Variants in HEATR1 observed in about 807,000 individuals in gnomAD.
HEATR1 encodes HEAT repeat-containing protein 1.
In HEATR1, 77 loss-of-function variants were observed where a neutral mutation model predicts 248.2. That is an observed-to-expected ratio of 0.31 (90% CI 0.26 to 0.37). The LOEUF is 0.37. HEATR1 is among the 10% of genes least tolerant of loss of function. The pLI is 1.00. For synonymous variants in HEATR1, 897 were observed against 923.1 expected (o/e 0.97, Z 0.51); for missense variants, 2,420 against 2,504.9 (o/e 0.97, Z 0.72).
chr1:236,569,780 G>A (rs560833315), intron 28 of HEATR1, among the ~76,000 whole-genome samples: 1 of 152,132 alleles, frequency 6.6e-6, no homozygotes, highest in East Asian at 1.9e-4. Flanking sequence ...CCACTCCTAG[G>A]TATATATACC....
rs377341119 is a variant in HEATR1, at chr1:236,582,731, T to A, written c.2562+5A>T. 1.9e-6 allele frequency: 3 copies of A among 1,614,146 alleles called. No individual in the cohort carries two copies. Among genetic ancestry groups the A allele is most frequent in the Non-Finnish European group, 2.5e-6 (3 of 1,179,982 alleles). On this transcript the variant is annotated splice_donor_5th_base_variant and intron_variant, in intron 19 of 44. Transcript: ENST00000366582. ...GAGTACGCCTGAAAAGGAGGAGGCT[T>A]GTACCTTTATGAAAAGTTTCATCAG... is the stretch of plus-strand genomic sequence containing the variant.
rs981946800 is a variant in HEATR1, at chr1:236,604,406, G to T, written c.-33+16C>A. The T allele has an allele frequency of 7.7e-6, 2 of 258,078 alleles. No homozygotes were observed. The highest frequency in any genetic ancestry group is 4.4e-5 in the African/African-American group (2 of 44,972). The allele number at this position is 258,078 out of a possible 1,614,324, so 16.0% of individuals were successfully genotyped here. A position where few individuals can be genotyped will look rare whatever the true frequency, so the allele number is the denominator to read the frequency against. On this transcript the variant is annotated intron_variant, in intron 1 of 44. Coordinates refer to ENST00000366582, the MANE Select transcript of HEATR1 (RefSeq NM_018072.6). ...CCCCCATCCGCAGCCACATCAAGCG[G>T]CTCTGTGCCGCTTACCTGGAACTGG...
In HEATR1 at chr1:236,574,739, A is replaced by T. The variant is rs199616842; in HGVS notation, c.3249T>A (p.Asp1083Glu). 6.2e-7 allele frequency: 1 copy of T among 1,613,854 alleles called. No homozygotes were observed. Among genetic ancestry groups the T allele is most frequent in the South Asian group, 1.1e-5 (1 of 91,080 alleles). ...TTGTGTGCACAGCTTTTATAAATAT[A>T]TCTAGACTCTTCGGATCCTCATTTA... Reference protein sequence around the residue: ...SLLNEDPKSLDIFIKAVHTTK... With the variant: ...SLLNEDPKSLEIFIKAVHTTK... Residue 1083 changes from aspartate (D) to glutamate (E), a missense_variant, in exon 23 of 45, where the codon GAT becomes GAA. Physicochemically the swap from Asp to Glu is conservative, Grantham distance 45. Transcript: ENST00000366582.
chr1:236,588,096 G>A, intron 12 of HEATR1, 53 bp from the exon 13 acceptor site: 1 of 1,339,430 alleles, frequency 7.5e-7, no homozygotes, highest in Non-Finnish European at 1.1e-6. Context: ...ATCTCTTAAG[G>A]CTTTGCACTA....
intron 26 of HEATR1, 146 bp downstream of exon 26, chr1:236,572,265 A>G (rs1355289648): frequency 2.0e-6 from 2 of 976,512 alleles, no homozygotes; most frequent in African/African-American, 1.6e-5. Flanking sequence ...GATACCTAAA[A>G]CCAATCTTTT....
In HEATR1 at chr1:236,557,312, GTTC is replaced by G; in HGVS notation, c.5235_5237del (p.Lys1745del). 1 of 1,614,162 alleles carries G rather than the reference GTTC, an allele frequency of 6.2e-7. No individual in the cohort carries two copies. The highest frequency in any genetic ancestry group is 8.5e-7 in the Non-Finnish European group (1 of 1,180,008). ...CCTCGCTGGAGACCAGCTCGCTGGT[GTTC>G]TTCATTGTTGTCAGCAACGATGGCA... is the stretch of plus-strand genomic sequence containing the variant. On this transcript the variant is annotated inframe_deletion, in exon 37 of 45. Coordinates refer to ENST00000366582, the MANE Select transcript of HEATR1 (RefSeq NM_018072.6).
At chr1:236,590,248 G>C (rs1446515306) in intron 12 of HEATR1, among the ~76,000 whole-genome samples, 4 of 149,102 alleles carry the variant, frequency 2.7e-5, no homozygotes, top group Non-Finnish European at 5.9e-5. Flanking sequence ...GTTTTTTTTT[G>C]AAAGAGTCTT....
At chr1:236,574,631 A>G (rs2103136509) in intron 23 of HEATR1, 30 bp downstream of exon 23, 1 of 1,599,666 alleles carries the variant, frequency 6.3e-7, no homozygotes, top group Non-Finnish European at 8.5e-7. Flanking sequence ...TGAACATGCT[A>G]TGCCTTAGTT....
chr1:236,550,017 T>TA lies in HEATR1; in HGVS notation c.*884dup, dbSNP rs1662647996. Reference sequence around the variant, plus strand: ...ATGCGAACATTCTACGGGATGTTCTTAGATGCCTTTAAAAAGGGGGCAGAT... The same window carrying TA: ...ATGCGAACATTCTACGGGATGTTCTTAAGATGCCTTTAAAAAGGGGGCAGAT... On this transcript the variant is annotated 3_prime_UTR_variant, in exon 45 of 45. Coordinates refer to ENST00000366582, the MANE Select transcript of HEATR1 (RefSeq NM_018072.6). The TA allele has an allele frequency of 6.6e-6, 1 of 152,194 alleles. No individual in the cohort carries two copies. Among genetic ancestry groups the TA allele is most frequent in the African/African-American group, 2.4e-5 (1 of 41,446 alleles). 9.4% of individuals were successfully genotyped at this position (152,194 alleles called of 1,614,324 possible). A position where few individuals can be genotyped will look rare whatever the true frequency, so the allele number is the denominator to read the frequency against.
At chr1:236,570,121 T>A (rs1181530391) in intron 28 of HEATR1, among the ~76,000 whole-genome samples, 2 of 152,082 alleles carry the variant, frequency 1.3e-5, no homozygotes, top group African/African-American at 4.8e-5. Flanking sequence ...ACCCCGTCTC[T>A]ACTAAAAATA....
intron 33 of HEATR1, 91 bp downstream of exon 33, chr1:236,561,134 A>C: frequency 2.2e-6 from 2 of 914,126 alleles, no homozygotes; most frequent in Non-Finnish European, 3.6e-6. Flanking sequence ...GGTTGTAAAG[A>C]GTATATGAAT....
At chr1:236,553,919 C>T (rs1214360418) in intron 42 of HEATR1, among the ~76,000 whole-genome samples, 180 bp from the exon 43 acceptor site, 1 of 152,196 alleles carries the variant, frequency 6.6e-6, no homozygotes, top group African/African-American at 2.4e-5. Context: ...AATGGAATCT[C>T]ATACCCTTTA....
intron 41 of HEATR1, 53 bp from the exon 42 acceptor site, chr1:236,554,805 T>C (rs1445294967): frequency 1.4e-6 from 2 of 1,438,610 alleles, no homozygotes; most frequent in Admixed American, 4.2e-5. Flanking sequence ...AACCATTTAA[T>C]CTCCAATGTT....
In HEATR1 at chr1:236,576,854, G is replaced by T; in HGVS notation, c.2851C>A (p.Pro951Thr). Residue 951 changes from proline to threonine, a missense_variant, in exon 21 of 45, where the codon CCG (proline) becomes ACG (threonine). Physicochemically the swap from Pro to Thr is conservative, Grantham distance 38 (BLOSUM62 -1). Transcript: ENST00000366582. ...CLQALSGVAS[P>T]FYLIIDHLIS... is the part of the protein sequence containing the mutation. The stretch of plus-strand genomic sequence containing the variant: ...AAATGATCTATTATCAGATAAAACG[G>T]GGATGCCACTCCACTGAGGGCCTGG... 7.4e-6 allele frequency: 12 copies of T among 1,613,968 alleles called. No individual in the cohort carries two copies. Among genetic ancestry groups the T allele is most frequent in the Non-Finnish European group, 1.0e-5 (12 of 1,179,924 alleles).
chr1:236,574,702 A>G lies in HEATR1; in HGVS notation c.3286T>C (p.Tyr1096His), dbSNP rs746883150. Reference protein sequence around the residue: ...IKAVHTTKELYAGMPTIQITA... With the variant: ...IKAVHTTKELHAGMPTIQITA... The stretch of plus-strand genomic sequence containing the variant: ...ATCTGAATGGTTGGCATTCCCGCGT[A>G]AAGTTCCTTTGTTGTGTGCACAGCT... Residue 1096 changes from tyrosine to histidine, a missense_variant, in exon 23 of 45, where the codon TAC (tyrosine) becomes CAC (histidine). Physicochemically the swap from Tyr to His is moderately conservative, Grantham distance 83. Transcript: ENST00000366582. 2 of 1,613,926 alleles carry G rather than the reference A, an allele frequency of 1.2e-6. No individual in the cohort carries two copies. The highest frequency in any genetic ancestry group is 1.6e-4 in the Middle Eastern group (1 of 6,062).
intron 11 of HEATR1, among the ~76,000 whole-genome samples, chr1:236,591,623 T>A (rs1343966165): frequency 6.6e-6 from 1 of 152,110 alleles, no homozygotes; most frequent in Non-Finnish European, 1.5e-5. Flanking sequence ...TGCTAATCAA[T>A]AATATAAATA....
rs1662697269 is a variant in HEATR1, at chr1:236,550,849, A to G, written c.*53T>C. On this transcript the variant is annotated 3_prime_UTR_variant, in exon 45 of 45. Transcript: ENST00000366582. Reference sequence around the variant, plus strand: ...TGGCACCCAACACCCAAAAATAAAAATATGAAATATGAGTGTGAACTCTGA... The same window carrying G: ...TGGCACCCAACACCCAAAAATAAAAGTATGAAATATGAGTGTGAACTCTGA... 3.6e-6 allele frequency: 5 copies of G among 1,390,112 alleles called. No homozygotes were observed. The highest frequency in any genetic ancestry group is 5.0e-6 in the Non-Finnish European group (5 of 1,009,900). The allele number at this position is 1,390,112 out of a possible 1,614,324, so 86.1% of individuals were successfully genotyped here.
chr1:236,594,182 C>T, intron 8 of HEATR1, 68 bp from the exon 9 acceptor site: 1 of 1,003,302 alleles, frequency 1.0e-6, no homozygotes, highest in Non-Finnish European at 1.5e-6. Flanking sequence ...ATTAAATTCA[C>T]TTATAGCAGA....
chr1:236,582,828 C>A lies in HEATR1; in HGVS notation c.2470G>T (p.Asp824Tyr). Reference sequence around the variant, plus strand: ...AGCCCAATGAGCAAGTGCAGATAGTCCCTGCTGTCTTCTTTCAGTTGTTCA... The same window carrying A: ...AGCCCAATGAGCAAGTGCAGATAGTACCTGCTGTCTTCTTTCAGTTGTTCA... Reference protein sequence around the residue: ...NPEQLKEDSRDYLHLLIGLFE... With the variant: ...NPEQLKEDSRYYLHLLIGLFE... The change falls in exon 19 of 45, where the codon GAC becomes TAC. Residue 824 changes from aspartate to tyrosine, a missense_variant. Asp to Tyr is a radical substitution (Grantham distance 160). Coordinates refer to ENST00000366582, the MANE Select transcript of HEATR1 (RefSeq NM_018072.6). 1 of 1,613,906 alleles carries A rather than the reference C, an allele frequency of 6.2e-7. No individual in the cohort carries two copies. Among genetic ancestry groups the A allele is most frequent in the Non-Finnish European group, 8.5e-7 (1 of 1,179,780 alleles).
Sources: allele counts gnomAD v4.1 joint callset (sites outside exome capture counted in the v4.1 genomes callset), GRCh38; gene constraint gnomAD v4.1.1; transcripts MANE v1.5; gene names NCBI Gene and HGNC (gene_info 2026-07-23, HGNC 2026-07-21).